ABTB3: variants seen among roughly 807,000 people sequenced by gnomAD.
ABTB3 encodes the protein ankyrin repeat- and BTB/POZ domain-containing protein 3.
the ABTB3 span, chr12:107,651,861 A>C: frequency 4.3e-5 from 55 of 1,281,766 alleles, no homozygotes; most frequent in African/African-American, 6.7e-4. Context: ...TGGCAAACAC[A>C]GAGGCAGGGC....
chr12:107,536,160 G>C, the ABTB3 span, among the ~76,000 whole-genome samples: 2,291 of 152,164 alleles, frequency 0.015, 52 homozygotes, highest in African/African-American at 0.052. Context: ...TTTTCAATAA[G>C]TGGTGCTGGG....
the ABTB3 span, among the ~76,000 whole-genome samples, chr12:107,495,425 C>G: frequency 1.3e-5 from 2 of 152,220 alleles, no homozygotes; most frequent in African/African-American, 4.8e-5. Context: ...CCAGTCCCAG[C>G]TGGAGGGAGG....
the ABTB3 span, among the ~76,000 whole-genome samples, chr12:107,527,168 T>C: frequency 1.3e-5 from 2 of 152,152 alleles, no homozygotes; most frequent in African/African-American, 4.8e-5. Flanking sequence ...CTGCCTTAAT[T>C]TTCTTCTTGC....
At chr12:107,415,140 G>A in the ABTB3 span, among the ~76,000 whole-genome samples, 1 of 152,088 alleles carries the variant, frequency 6.6e-6, no homozygotes, top group Non-Finnish European at 1.5e-5. Context: ...TCATCCTCCT[G>A]TTTTCACATT....
the ABTB3 span, among the ~76,000 whole-genome samples, chr12:107,348,608 C>T: frequency 6.6e-6 from 1 of 152,028 alleles, no homozygotes; most frequent in Non-Finnish European, 1.5e-5. Context: ...CCCTGTAGTC[C>T]CAGCTACTCG....
At chr12:107,347,288 T>C in the ABTB3 span, among the ~76,000 whole-genome samples, 1 of 152,192 alleles carries the variant, frequency 6.6e-6, no homozygotes, top group African/African-American at 2.4e-5. Context: ...AATATCTTTA[T>C]ATGAGATATA....
the ABTB3 span, among the ~76,000 whole-genome samples, chr12:107,654,846 A>G: frequency 6.8e-6 from 1 of 148,032 alleles, no homozygotes; most frequent in Non-Finnish European, 1.5e-5. Context: ...ACACACACAC[A>G]CACACACACA....
the ABTB3 span, among the ~76,000 whole-genome samples, chr12:107,590,412 C>A: frequency 1.3e-5 from 2 of 152,110 alleles, no homozygotes; most frequent in Non-Finnish European, 2.9e-5. Context: ...CACTGTGAGA[C>A]AAGGAGGAGT....
At chr12:107,451,197 ACTCT>A in the ABTB3 span, among the ~76,000 whole-genome samples, 4 of 151,952 alleles carry the variant, frequency 2.6e-5, no homozygotes, top group African/African-American at 7.3e-5. Flanking sequence ...GGATTTTCTT[ACTCT>A]CTCTCACTCA....
the ABTB3 span, among the ~76,000 whole-genome samples, chr12:107,558,967 G>A: frequency 2.6e-5 from 4 of 152,300 alleles, no homozygotes; most frequent in Admixed American, 6.5e-5. Context: ...TGACTGCTCT[G>A]GCATTATTTG....
the ABTB3 span, among the ~76,000 whole-genome samples, chr12:107,608,069 G>C: frequency 9.1e-4 from 139 of 152,308 alleles, 1 homozygote; most frequent in African/African-American, 3.2e-3. Context: ...CAGCAAGCAG[G>C]GGGAGTGTGA....
the ABTB3 span, among the ~76,000 whole-genome samples, chr12:107,637,314 C>T: frequency 2.0e-5 from 3 of 152,212 alleles, no homozygotes; most frequent in South Asian, 6.2e-4. Flanking sequence ...ATCACTTGAA[C>T]CTAGGAGGTG....
At chr12:107,492,726 A>G in the ABTB3 span, among the ~76,000 whole-genome samples, 3 of 152,002 alleles carry the variant, frequency 2.0e-5, no homozygotes, top group Non-Finnish European at 2.9e-5. Flanking sequence ...GGCCAAATCA[A>G]CCACATTTAA....
chr12:107,559,827 C>T, the ABTB3 span, among the ~76,000 whole-genome samples: 7 of 151,178 alleles, frequency 4.6e-5, no homozygotes, highest in African/African-American at 1.7e-4. Flanking sequence ...CTTTTTATAC[C>T]TACAATAAAA....
At chr12:107,599,199 T>G in the ABTB3 span, among the ~76,000 whole-genome samples, 2 of 152,232 alleles carry the variant, frequency 1.3e-5, no homozygotes, top group African/African-American at 4.8e-5. Context: ...CTAGCCTATA[T>G]GAGTATTACA....
the ABTB3 span, among the ~76,000 whole-genome samples, chr12:107,559,690 T>C: frequency 6.6e-6 from 1 of 152,192 alleles, no homozygotes. Context: ...GGTATCTGAG[T>C]TGAATGTGTA....
At chr12:107,439,889 G>T in the ABTB3 span, among the ~76,000 whole-genome samples, 1 of 152,182 alleles carries the variant, frequency 6.6e-6, no homozygotes, top group African/African-American at 2.4e-5. Flanking sequence ...TGCTAAAAGA[G>T]TGAGCTTTTT....
chr12:107,347,021 G>A, the ABTB3 span, among the ~76,000 whole-genome samples: 3 of 152,140 alleles, frequency 2.0e-5, no homozygotes, highest in South Asian at 2.1e-4. Context: ...GGTAATCATA[G>A]TTTTATTTCA....
chr12:107,462,719 G>A, the ABTB3 span, among the ~76,000 whole-genome samples: 2 of 151,432 alleles, frequency 1.3e-5, no homozygotes, highest in Non-Finnish European at 2.9e-5. Context: ...GATGATAATA[G>A]TGGTGACAGT....
Sources: allele counts gnomAD v4.1 joint callset (sites outside exome capture counted in the v4.1 genomes callset), GRCh38; gene constraint gnomAD v4.1.1; transcripts MANE v1.5; gene names NCBI Gene and HGNC (gene_info 2026-07-23, HGNC 2026-07-21).